The following PCDHGC4 variants were observed in gnomAD, a reference collection of about 807,000 sequenced individuals.
The protein encoded by PCDHGC4 is protocadherin gamma subfamily C, 4.
Under a neutral mutation model 59.7 loss-of-function variants are expected in PCDHGC4, and 15 were observed. The ratio of observed to expected loss-of-function variants is 0.25; its 90% CI spans 0.17 to 0.39. The LOEUF (loss-of-function observed/expected upper bound fraction) is 0.39, where lower values mean the gene tolerates loss of function less well. Ranked by LOEUF, PCDHGC4 falls within the 10% of genes least tolerant of loss-of-function variation. The probability of loss-of-function intolerance (pLI) is 1.00; values close to 1 mark genes in which losing one functional copy is unlikely to be tolerated. For missense variants in PCDHGC4, 1,016 were observed against 1,189.5 expected, an observed-to-expected ratio of 0.85 and a Z score of 2.15; for synonymous variants, 434 against 481.4, an observed-to-expected ratio of 0.90 and a Z score of 1.29.
rs765376157 is a variant in PCDHGC4 at position 141,486,033 on chromosome 5, A to G, written c.860A>G (p.Asp287Gly). 4.3e-6 allele frequency: 7 copies of G among 1,614,148 alleles called. No individual in the cohort carries two copies. The highest frequency in any genetic ancestry group is 5.9e-6 in the Non-Finnish European group (7 of 1,180,014). Reference protein sequence around the residue: ...VTFYFSGHTPDRVRNLFSLHP... With the variant: ...VTFYFSGHTPGRVRNLFSLHP... ...TTTTATTTCAGTGGTCATACCCCTG[A>G]TCGTGTAAGAAACCTCTTTAGCCTG... The change falls in exon 1 of 4, where the codon GAT becomes GGT. Residue 287 changes from aspartate to glycine, a missense_variant. Physicochemically the swap from Asp to Gly is moderately conservative, Grantham distance 94 (BLOSUM62 -1). Transcript: ENST00000306593. This position sits in a 1 kb window ranked among gnomAD's most constrained non-coding sequence, Gnocchi z 5.0.
rs1562142740 is a variant in PCDHGC4, at chr5:141,490,958, ACT to A, written c.2442+3345_2442+3346del. 1 of 1,613,728 alleles carries A rather than the reference ACT, an allele frequency of 6.2e-7. No homozygotes were observed. Among genetic ancestry groups the A allele is most frequent in the Non-Finnish European group, 8.5e-7 (1 of 1,179,830 alleles). On this transcript the variant is annotated intron_variant, in intron 1 of 3. Transcript: ENST00000306593. The surrounding 1 kb of genome is among the most constrained non-coding windows in gnomAD (Gnocchi z 5.4). Reference sequence around the variant, plus strand: ...CTGCACCCACGGCCAGACTGGGAACACTCAGCCCCCCAGCGTCTCCCTCGCTC... The same window carrying A: ...CTGCACCCACGGCCAGACTGGGAACACAGCCCCCCAGCGTCTCCCTCGCTC...
chr5:141,488,815 T>A (rs769851687), intron 1 of PCDHGC4, among the ~76,000 whole-genome samples: 30 of 152,144 alleles, frequency 2.0e-4, no homozygotes, highest in Non-Finnish European at 4.1e-4. Context: ...ATCTGAGCTG[T>A]CAAACTTTGC....
At position 141,489,870 on chromosome 5, in the gene PCDHGC4, G is replaced by T; in HGVS notation, c.2442+2255G>T. On this transcript the variant is annotated intron_variant, in intron 1 of 3. Transcript: ENST00000306593. The surrounding 1 kb of genome is among the most constrained non-coding windows in gnomAD (Gnocchi z 4.5). ...GTGAAGCCCAGGCAAGACATCAGCT[G>T]GTGCTTACTGCTGTGGATGGGGGGA... 1.2e-6 allele frequency: 2 copies of T among 1,614,220 alleles called. No individual in the cohort carries two copies. The highest frequency in any genetic ancestry group is 1.7e-6 in the Non-Finnish European group (2 of 1,180,024).
Position 141,487,399 on chromosome 5 carries a change from G to A in PCDHGC4, c.2226G>A (p.Gly742=). 1.2e-6 allele frequency: 2 copies of A among 1,614,140 alleles called. No homozygotes were observed. Among genetic ancestry groups the A allele is most frequent in the South Asian group, 1.1e-5 (1 of 91,088 alleles). The change falls in exon 1 of 4, where the codon GGG becomes GGA. Residue 742 remains glycine (G), a synonymous_variant. Coordinates refer to ENST00000306593, the MANE Select transcript of PCDHGC4 (RefSeq NM_018928.3). The surrounding 1 kb of genome is among the most constrained non-coding windows in gnomAD (Gnocchi z 5.0). The part of the protein sequence containing the change: ...ACLTRSRRRE[G]LPPSNGILRI... ...TCACCAGATCTCGAAGGAGGGAGGGGCTTCCCCCTTCCAATGGGATCCTCC... is the reference window on the plus strand; with the variant it reads ...TCACCAGATCTCGAAGGAGGGAGGGACTTCCCCCTTCCAATGGGATCCTCC...
At chr5:141,498,581 C>A (rs1281809549) in intron 2 of PCDHGC4, among the ~76,000 whole-genome samples, 1 of 152,104 alleles carries the variant, frequency 6.6e-6, no homozygotes, top group East Asian at 1.9e-4. Flanking sequence ...GTATTGAGTT[C>A]TTCAGTAAAC....
rs143779180 is a variant in PCDHGC4 at position 141,485,438 on chromosome 5, C to A, written c.265C>A (p.Pro89Thr). The A allele has an allele frequency of 9.9e-6, 16 of 1,614,170 alleles. No individual in the cohort carries two copies. The African/African-American group carries it at 1.3e-4, about 13-fold the overall frequency. ...LDSGALLIKN[P>T]IDREALCGLS... Reference sequence around the variant, plus strand: ...CAGCGGAGCCCTGCTCATCAAGAACCCAATCGACCGAGAGGCACTGTGTGG... The same window carrying A: ...CAGCGGAGCCCTGCTCATCAAGAACACAATCGACCGAGAGGCACTGTGTGG... The change falls in exon 1 of 4, where the codon CCA becomes ACA. Residue 89 changes from proline (P) to threonine (T), a missense_variant. Pro to Thr is a conservative substitution (Grantham distance 38). Coordinates refer to ENST00000306593, the MANE Select transcript of PCDHGC4 (RefSeq NM_018928.3). The surrounding 1 kb of genome is among the most constrained non-coding windows in gnomAD (Gnocchi z 5.7).
At chr5:141,509,481 A>G (rs2099877035) in intron 3 of PCDHGC4, among the ~76,000 whole-genome samples, 1 of 152,010 alleles carries the variant, frequency 6.6e-6, no homozygotes, top group Admixed American at 6.6e-5. Flanking sequence ...TGAGGGGTAG[A>G]GGTGATGGCA....
rs1304361659 is a variant in PCDHGC4 at position 141,494,859 on chromosome 5, C to T, written c.2495C>T (p.Thr832Ile). 2 of 1,614,134 alleles carry T rather than the reference C, an allele frequency of 1.2e-6. No individual in the cohort carries two copies. The highest frequency in any genetic ancestry group is 8.5e-7 in the Non-Finnish European group (1 of 1,180,012). Reference protein sequence around the residue: ...WRFSQAQRPGTSGSQNGDDTG... With the variant: ...WRFSQAQRPGISGSQNGDDTG... Reference sequence around the variant, plus strand: ...TTCTCTCAGGCCCAGAGACCCGGCACCAGCGGGTAGGTGACTGATTCTCCA... The same window carrying T: ...TTCTCTCAGGCCCAGAGACCCGGCATCAGCGGGTAGGTGACTGATTCTCCA... Residue 832 changes from threonine to isoleucine, a missense_variant, in exon 2 of 4, where the codon ACC becomes ATC. By Grantham distance (89) the Thr-to-Ile change is moderately conservative. Coordinates refer to ENST00000306593, the MANE Select transcript of PCDHGC4 (RefSeq NM_018928.3).
At position 141,486,634 on chromosome 5, in the gene PCDHGC4, T is replaced by C; in HGVS notation, c.1461T>C (p.Asn487=). 1 of 1,613,762 alleles carries C rather than the reference T, an allele frequency of 6.2e-7. No individual in the cohort carries two copies. The highest frequency in any genetic ancestry group is 8.5e-7 in the Non-Finnish European group (1 of 1,180,044). ...CCTCTGACCCAGACTCTGGCTTGAA[T>C]GCGCTTATCTCCTACTCACTCCTGG... ...LAASDPDSGL[N]ALISYSLLEP... is the part of the protein sequence containing the mutation. The change falls in exon 1 of 4, where the codon AAT becomes AAC. Residue 487 remains asparagine, a synonymous_variant. Coordinates refer to ENST00000306593, the MANE Select transcript of PCDHGC4 (RefSeq NM_018928.3). The surrounding 1 kb of genome is among the most constrained non-coding windows in gnomAD (Gnocchi z 5.0).
chr5:141,491,361 C>T lies in PCDHGC4; in HGVS notation c.2443-3446C>T. 1 of 1,614,132 alleles carries T rather than the reference C, an allele frequency of 6.2e-7. No homozygotes were observed. The highest frequency in any genetic ancestry group is 8.5e-7 in the Non-Finnish European group (1 of 1,179,982). ...CGACCGTCAGTCTCTTATCCCTAGT[C>T]ACCTTCACCTTTCTGTCAGCGAAGT... On this transcript the variant is annotated intron_variant, in intron 1 of 3. Transcript: ENST00000306593. The surrounding 1 kb of genome is among the most constrained non-coding windows in gnomAD (Gnocchi z 6.9).
At chr5:141,502,767 C>T (rs970206343) in intron 2 of PCDHGC4, among the ~76,000 whole-genome samples, 1 of 151,756 alleles carries the variant, frequency 6.6e-6, no homozygotes, top group East Asian at 1.9e-4. Flanking sequence ...TGCTGGTATT[C>T]TTCTGAAAAT....
At chr5:141,510,579 C>T (rs2099881748) in intron 3 of PCDHGC4, among the ~76,000 whole-genome samples, 1 of 152,170 alleles carries the variant, frequency 6.6e-6, no homozygotes, top group Non-Finnish European at 1.5e-5. Flanking sequence ...CACTATTTTA[C>T]GTACCTGACA....
intron 2 of PCDHGC4, among the ~76,000 whole-genome samples, chr5:141,503,132 CCT>C (rs1388312522): frequency 6.6e-6 from 1 of 151,994 alleles, no homozygotes; most frequent in Non-Finnish European, 1.5e-5. Flanking sequence ...TCTGGTAGCC[CCT>C]GACACAGCCC....
Position 141,487,650 on chromosome 5 carries a change from G to A in PCDHGC4, c.2442+35G>A. On this transcript the variant is annotated intron_variant, in intron 1 of 3. Transcript: ENST00000306593. The surrounding 1 kb of genome is among the most constrained non-coding windows in gnomAD (Gnocchi z 5.0). ...TTGCAGGCTCAACAAATGCTTGAGGGTTATTCTGATCCAGGCATATGGCTA... is the reference window on the plus strand; with the variant it reads ...TTGCAGGCTCAACAAATGCTTGAGGATTATTCTGATCCAGGCATATGGCTA... 1 of 1,613,994 alleles carries A rather than the reference G, an allele frequency of 6.2e-7. No individual in the cohort carries two copies. Among genetic ancestry groups the A allele is most frequent in the Non-Finnish European group, 8.5e-7 (1 of 1,179,954 alleles).
chr5:141,487,058 C>T lies in PCDHGC4; in HGVS notation c.1885C>T (p.Arg629Trp), dbSNP rs775720601. 23 of 1,613,980 alleles carry T rather than the reference C, an allele frequency of 1.4e-5. No individual in the cohort carries two copies. The highest frequency in any genetic ancestry group is 1.0e-4 in the Admixed American group (6 of 59,996). ...AGTCTCTCGATATGCTGGGGAGGTGCGGACGGCTGTTCCTATCCCAGCTGA... is the reference window on the plus strand; with the variant it reads ...AGTCTCTCGATATGCTGGGGAGGTGTGGACGGCTGTTCCTATCCCAGCTGA... Reference protein sequence around the residue: ...FAVSRYAGEVRTAVPIPADLP... With the variant: ...FAVSRYAGEVWTAVPIPADLP... The change falls in exon 1 of 4, where the codon CGG becomes TGG. Residue 629 changes from arginine (R) to tryptophan (W), a missense_variant. Transcript: ENST00000306593. The surrounding 1 kb of genome is among the most constrained non-coding windows in gnomAD (Gnocchi z 5.0).
intron 2 of PCDHGC4, among the ~76,000 whole-genome samples, chr5:141,495,922 C>G (rs1263216717): frequency 6.6e-6 from 1 of 152,100 alleles, no homozygotes; most frequent in Non-Finnish European, 1.5e-5. Context: ...CTTTCTTTGT[C>G]TCTGTCTCTG....
At position 141,489,258 on chromosome 5, in the gene PCDHGC4, C is replaced by T. The variant is rs1594800449; in HGVS notation, c.2442+1643C>T. 3.2e-6 allele frequency: 5 copies of T among 1,551,530 alleles called. No individual in the cohort carries two copies. Among genetic ancestry groups the T allele is most frequent in the African/African-American group, 1.4e-5 (1 of 73,276 alleles). On this transcript the variant is annotated intron_variant, in intron 1 of 3. Coordinates refer to ENST00000306593, the MANE Select transcript of PCDHGC4 (RefSeq NM_018928.3). This position sits in a 1 kb window ranked among gnomAD's most constrained non-coding sequence, Gnocchi z 4.5. Reference sequence around the variant, plus strand: ...TCTGGGTCATGGGGCCCAAGACACTCCCACAGCTCGCTGGGAAATGGCAAG... The same window carrying T: ...TCTGGGTCATGGGGCCCAAGACACTTCCACAGCTCGCTGGGAAATGGCAAG...
intron 2 of PCDHGC4, among the ~76,000 whole-genome samples, chr5:141,503,797 G>A (rs2099831309): frequency 6.6e-6 from 1 of 152,006 alleles, no homozygotes; most frequent in South Asian, 2.1e-4. Context: ...ATCTACTTAG[G>A]GACGGGGAAT....
chr5:141,494,764 T>A (rs773955144), intron 1 of PCDHGC4, 43 bp from the exon 2 acceptor site: 1 of 1,613,932 alleles, frequency 6.2e-7, no homozygotes, highest in Non-Finnish European at 8.5e-7. Context: ...ACATTCTAAC[T>A]TCTCACGGGT....
Sources: allele counts gnomAD v4.1 joint callset (sites outside exome capture counted in the v4.1 genomes callset), GRCh38; gene constraint gnomAD v4.1.1; non-coding constraint Gnocchi (gnomAD v3.1); transcripts MANE v1.5; gene names NCBI Gene and HGNC (gene_info 2026-07-23, HGNC 2026-07-21).